RPL12: variants seen among roughly 807,000 people sequenced by gnomAD.
RPL12 encodes the protein large ribosomal subunit protein uL11.
A neutral mutation model predicts 24.5 loss-of-function variants in RPL12; 10 were observed. The ratio of observed to expected loss-of-function variants is 0.41; its 90% CI spans 0.25 to 0.69. The LOEUF (loss-of-function observed/expected upper bound fraction) is 0.69, where lower values mean the gene tolerates loss of function less well. Ranked by LOEUF, RPL12 falls within the 30% of genes least tolerant of loss-of-function variation. RPL12 has a pLI of 0.33. For synonymous variants in RPL12, 74 were observed against 76.1 expected (o/e 0.97, Z 0.14); for missense variants, 137 against 205.3 (o/e 0.67, Z 2.03).
intron 2 of RPL12, 143 bp downstream of exon 2, chr9:127,450,588 C>T: frequency 1.7e-6 from 1 of 601,296 alleles, no homozygotes; most frequent in Non-Finnish European, 2.9e-6. Context: ...TCCTAAGGTA[C>T]CTAGTACTTG....
At chr9:127,449,481 C>T in intron 3 of RPL12, 119 bp from the exon 4 acceptor site, 1 of 1,297,378 alleles carries the variant, frequency 7.7e-7, no homozygotes, top group Non-Finnish European at 1.1e-6. Context: ...GTACTCTTGA[C>T]AAAGCCTCCC....
intron 5 of RPL12, 42 bp downstream of exon 5, chr9:127,448,295 C>T (rs1287873002): frequency 6.8e-7 from 1 of 1,479,092 alleles, no homozygotes; most frequent in Non-Finnish European, 9.5e-7. Flanking sequence ...CAGTGAAAAA[C>T]ACAACTACAG....
intron 2 of RPL12, chr9:127,450,494 C>T (rs1002742128): frequency 2.0e-6 from 1 of 489,828 alleles, no homozygotes; most frequent in Non-Finnish European, 3.6e-6. Context: ...GGGCCCACCC[C>T]TCAGGTACAC....
chr9:127,448,025 G>C, intron 5 of RPL12, 36 bp from the exon 6 acceptor site: 1 of 1,574,828 alleles, frequency 6.3e-7, no homozygotes, highest in Non-Finnish European at 8.6e-7. Flanking sequence ...GGAGGTGCTG[G>C]CTCAGTCCCT....
intron 5 of RPL12, 129 bp from the exon 6 acceptor site, chr9:127,448,118 AAT>A (rs1216849233): frequency 1.1e-5 from 13 of 1,210,484 alleles, no homozygotes; most frequent in Non-Finnish European, 1.5e-5. Flanking sequence ...CCTAATATAG[AAT>A]ATAGAGTTCC....
In RPL12 at chr9:127,449,380, G is replaced by A; in HGVS notation, c.211-18C>T. On this transcript the variant is annotated intron_variant, in intron 3 of 6. Transcript: ENST00000361436. ...ACCTCAATCTGCAGAAGAGATTCCT[G>A]AGTGAATACTCCACCTCCAGTGAAT... 1 of 1,600,934 alleles carries A rather than the reference G, an allele frequency of 6.2e-7. No homozygotes were observed. The highest frequency in any genetic ancestry group is 8.5e-7 in the Non-Finnish European group (1 of 1,174,854).
intron 1 of RPL12, 143 bp from the exon 2 acceptor site, chr9:127,450,947 CGGG>C: frequency 1.4e-6 from 1 of 700,576 alleles, no homozygotes; most frequent in Non-Finnish European, 2.4e-6. Flanking sequence ...GCTCCTCCCT[CGGG>C]TGTGGGCAGC....
chr9:127,448,704 T>G, intron 4 of RPL12: 2 of 630,990 alleles, frequency 3.2e-6, no homozygotes, highest in Non-Finnish European at 5.9e-6. Context: ...CAAGCTTAAA[T>G]TGCCAGGGAG....
At position 127,447,963 on chromosome 9, in the gene RPL12, C is replaced by T. The variant is rs1344316695; in HGVS notation, c.406G>A (p.Ala136Thr). ...TCAACATTACAGCCCACTGACTGGGCAGTCCCCAGGATCTCTTTAATGGTT... is the reference window on the plus strand; with the variant it reads ...TCAACATTACAGCCCACTGACTGGGTAGTCCCCAGGATCTCTTTAATGGTT... ...SGTIKEILGT[A>T]QSVGCNVDGR... Residue 136 changes from alanine (A) to threonine (T), a missense_variant, in exon 6 of 7, where the codon GCC becomes ACC. By Grantham distance (58) the Ala-to-Thr change is moderately conservative. Around this residue, in one of 3 missense-constraint regions of RPL12, gnomAD observed 118 missense variants for 160.7 expected, o/e 0.73. Coordinates refer to ENST00000361436, the MANE Select transcript of RPL12 (RefSeq NM_000976.4). 6.2e-7 allele frequency: 1 copy of T among 1,612,960 alleles called. No homozygotes were observed. Among genetic ancestry groups the T allele is most frequent in the East Asian group, 2.2e-5 (1 of 44,890 alleles).
chr9:127,447,851 A>G, intron 6 of RPL12, 26 bp downstream of exon 6: 2 of 1,610,558 alleles, frequency 1.2e-6, no homozygotes, highest in African/African-American at 1.3e-5. Context: ...TTTCACCCCT[A>G]CTGTAACAAT....
At chr9:127,448,015 G>A in intron 5 of RPL12, 26 bp from the exon 6 acceptor site, 3 of 1,586,618 alleles carry the variant, frequency 1.9e-6, no homozygotes, top group Non-Finnish European at 2.6e-6. Context: ...TGGTGGCATT[G>A]GAGGTGCTGG....
At position 127,448,402 on chromosome 9, in the gene RPL12, G is replaced by C. The variant is rs1049202695; in HGVS notation, c.314C>G (p.Thr105Ser). 1.4e-5 allele frequency: 22 copies of C among 1,613,274 alleles called. No homozygotes were observed. In the African/African-American group the frequency reaches 2.8e-4, roughly 21 times the overall value. ...AGCAATGTTGACAATCTCATCAAAAGTGATATTCCCACTGTGTTTAACTGC... is the reference window on the plus strand; with the variant it reads ...AGCAATGTTGACAATCTCATCAAAACTGATATTCCCACTGTGTTTAACTGC... ...QKNIKHSGNI[T>S]FDEIVNIARQ... The change falls in exon 5 of 7, where the codon ACT becomes AGT. Residue 105 changes from threonine to serine, a missense_variant. Around this residue, in one of 3 missense-constraint regions of RPL12, gnomAD observed 118 missense variants for 160.7 expected, o/e 0.73. Transcript: ENST00000361436.
At chr9:127,450,167 G>A (rs963709940) in intron 2 of RPL12, 2 of 178,402 alleles carry the variant, frequency 1.1e-5, no homozygotes, top group Admixed American at 5.7e-5. Context: ...TAAGATACAG[G>A]TTAAAAAAGA....
At position 127,449,443 on chromosome 9, in the gene RPL12, A is replaced by ACACTGTCCAAGTCT. The variant is rs1302178253; in HGVS notation, c.211-95_211-82dup. ...GCTGGCTCTCAAAAATCATGGCCAC[A>ACACTGTCCAAGTCT]CACTGTCCAAGTCTTTGCCCTAGGT... On this transcript the variant is annotated intron_variant, in intron 3 of 6. Transcript: ENST00000361436. The ACACTGTCCAAGTCT allele has an allele frequency of 9.3e-6, 13 of 1,405,174 alleles. No individual in the cohort carries two copies. The East Asian group carries it at 2.8e-4, about 30-fold the overall frequency. 87.0% of individuals were successfully genotyped at this position (1,405,174 alleles called of 1,614,324 possible).
chr9:127,447,812 ATC>A (rs2131971424), intron 6 of RPL12, 63 bp downstream of exon 6: 3 of 1,612,204 alleles, frequency 1.9e-6, no homozygotes, highest in East Asian at 2.2e-5. Context: ...TTCCCAGCTT[ATC>A]TCTGTGAATA....
Position 127,449,453 on chromosome 9 carries a change from A to G in RPL12, c.211-91T>C, listed in dbSNP as rs906538136. The G allele has an allele frequency of 5.1e-6, 7 of 1,375,274 alleles. No homozygotes were observed. The South Asian group carries it at 6.0e-5, about 12-fold the overall frequency. The allele number at this position is 1,375,274 out of a possible 1,614,324, so 85.2% of individuals were successfully genotyped here. ...AAAAATCATGGCCACACACTGTCCAAGTCTTTGCCCTAGGTCCGTACTCTT... is the reference window on the plus strand; with the variant it reads ...AAAAATCATGGCCACACACTGTCCAGGTCTTTGCCCTAGGTCCGTACTCTT... On this transcript the variant is annotated intron_variant, in intron 3 of 6. Transcript: ENST00000361436.
In RPL12 at chr9:127,450,787, CGGTGCACCTCA is replaced by C; in HGVS notation, c.44_54del (p.Leu15ArgfsTer3). On this transcript the variant is annotated frameshift_variant, in exon 2 of 7. Transcript: ENST00000361436. LOFTEE classifies it high-confidence loss of function. ...GCAGAAGTGGCACCGACTTCACCTC[CGGTGCACCTCA>C]GGTATACTGGGGGAAAAGAAGAGTT... 6.3e-7 allele frequency: 1 copy of C among 1,576,660 alleles called. No individual in the cohort carries two copies.
In RPL12 at chr9:127,450,724, A is replaced by T. The variant is rs994045469; in HGVS notation, c.111+7T>A. On this transcript the variant is annotated splice_region_variant and intron_variant, in intron 2 of 6. Coordinates refer to ENST00000361436, the MANE Select transcript of RPL12 (RefSeq NM_000976.4). Reference sequence around the variant, plus strand: ...GAAAAAAATGCCCCTTGGAGGGGATAACGTACCAGACCCAGGGGGCCGATC... The same window carrying T: ...GAAAAAAATGCCCCTTGGAGGGGATTACGTACCAGACCCAGGGGGCCGATC... 4 of 1,572,680 alleles carry T rather than the reference A, an allele frequency of 2.5e-6. No individual in the cohort carries two copies. In the African/African-American group the frequency reaches 5.5e-5, roughly 21 times the overall value.
Position 127,449,535 on chromosome 9 carries a change from T to C in RPL12, c.210+75A>G, listed in dbSNP as rs564819547. On this transcript the variant is annotated intron_variant, in intron 3 of 6. Coordinates refer to ENST00000361436, the MANE Select transcript of RPL12 (RefSeq NM_000976.4). Reference sequence around the variant, plus strand: ...CTCGGCTCACCACTGGTGGCAGAAATACTCTTCAGGAATCCCAGAGGGTTG... The same window carrying C: ...CTCGGCTCACCACTGGTGGCAGAAACACTCTTCAGGAATCCCAGAGGGTTG... 13 of 1,433,602 alleles carry C rather than the reference T, an allele frequency of 9.1e-6. No homozygotes were observed. The East Asian group carries it at 2.5e-4, about 28-fold the overall frequency. 88.8% of individuals were successfully genotyped at this position (1,433,602 alleles called of 1,614,324 possible). A position where few individuals can be genotyped will look rare whatever the true frequency, so the allele number is the denominator to read the frequency against.
Sources: gnomAD v4.1 joint callset for allele counts on GRCh38, gnomAD v4.1.1 for gene constraint, gnomAD v4.1.1 regional missense constraint, MANE v1.5 for transcripts, NCBI Gene and HGNC (gene_info 2026-07-23, HGNC 2026-07-21) for gene names.